Variants in AOPEP observed in about 807,000 individuals in gnomAD.
The protein encoded by AOPEP is aminopeptidase O (putative).
AOPEP carries 77 observed loss-of-function variants against 98.1 expected under a neutral mutation model. The observed-to-expected ratio is 0.78, with a 90% CI of 0.65 to 0.95. The LOEUF (loss-of-function observed/expected upper bound fraction) is 0.95. Ranked by LOEUF, AOPEP falls within the 40% of genes least tolerant of loss-of-function variation. The pLI, the probability that AOPEP is intolerant of heterozygous loss-of-function variation, is 0.00. For synonymous variants in AOPEP, 346 were observed against 365.3 expected, an observed-to-expected ratio of 0.95 and a Z score of 0.60; for missense variants, 1,024 against 1,024.7, an observed-to-expected ratio of 1.00 and a Z score of 0.01.
chr9:94,800,870 C>T lies in AOPEP; in HGVS notation c.1232C>T (p.Ala411Val), dbSNP rs375204570. Reference sequence around the variant, plus strand: ...TTTGCCCCTGTGTGCCTCACGGGTGCCTGCCAAGAGACCCTTCTGCGGCTG... The same window carrying T: ...TTTGCCCCTGTGTGCCTCACGGGTGTCTGCCAAGAGACCCTTCTGCGGCTG... ...RVFAPVCLTGACQETLLRLIP... is the reference protein window; with the variant it reads ...RVFAPVCLTGVCQETLLRLIP... The change falls in exon 5 of 17, where the codon GCC (alanine) becomes GTC (valine). Residue 411 changes from alanine (A) to valine (V), a missense_variant. Physicochemically the swap from Ala to Val is moderately conservative, Grantham distance 64. This residue lies in a region of AOPEP where 566 missense variants were observed against 551.7 expected (regional missense o/e 1.03). Transcript: ENST00000375315. The T allele has an allele frequency of 2.5e-6, 4 of 1,614,060 alleles. No homozygotes were observed. The African/African-American group carries it at 5.3e-5, about 22-fold the overall frequency.
At chr9:94,883,308 C>T (rs3886568) in intron 5 of AOPEP, among the ~76,000 whole-genome samples, 129,622 of 152,240 alleles carry the variant, frequency 0.85, 56,866 homozygotes, top group Non-Finnish European at 0.95. Flanking sequence ...ATTTGCAAAT[C>T]GAACAGCCTT....
At chr9:94,846,364 T>G in intron 5 of AOPEP, among the ~76,000 whole-genome samples, 1 of 150,738 alleles carries the variant, frequency 6.6e-6, no homozygotes, top group Non-Finnish European at 1.5e-5. Context: ...TCAGTGGGGG[T>G]CACTGGTGAC....
intron 7 of AOPEP, chr9:94,933,689 A>G (rs1215631881): frequency 2.0e-6 from 2 of 984,160 alleles, no homozygotes; most frequent in Admixed American, 6.1e-5. Flanking sequence ...GTGAATTTGT[A>G]TGATGCCTAC....
the AOPEP span, chr9:95,126,535 A>ATC: frequency 2.5e-6 from 4 of 1,614,022 alleles, no homozygotes; most frequent in Non-Finnish European, 3.4e-6. Context: ...TTACCTGAAC[A>ATC]TCTCATCAAC....
At chr9:94,809,666 G>A (rs1180194773) in intron 5 of AOPEP, among the ~76,000 whole-genome samples, 1 of 152,128 alleles carries the variant, frequency 6.6e-6, no homozygotes, top group Non-Finnish European at 1.5e-5. Context: ...TCTGTTTATA[G>A]ACCTCTTTTT....
At chr9:94,785,446 TC>T (rs1210958458) in intron 3 of AOPEP, among the ~76,000 whole-genome samples, 2 of 152,164 alleles carry the variant, frequency 1.3e-5, no homozygotes, top group African/African-American at 4.8e-5. Context: ...TGAGAGTTTT[TC>T]CCCCTAAATA....
In AOPEP at chr9:95,033,886, T is replaced by C. The variant is rs529273943; in HGVS notation, c.2116-26808T>C. Among the ~76,000 whole-genome samples the C allele has an allele frequency of 1.4e-4, 21 of 152,362 alleles. 1 individual carries two copies. Among genetic ancestry groups the C allele is most frequent in the African/African-American group, 4.8e-4 (20 of 41,590 alleles). The stretch of plus-strand genomic sequence containing the variant: ...GAAGTTAAACATCCCCAATTTCATT[T>C]GTGAGCAGTTAAATTTGGGGATACT... On this transcript the variant is annotated intron_variant, in intron 13 of 16. Transcript: ENST00000375315.
chr9:94,760,481 G>A lies in AOPEP; in HGVS notation c.698G>A (p.Gly233Glu), dbSNP rs772103194. 5.6e-6 allele frequency: 9 copies of A among 1,612,632 alleles called. No homozygotes were observed. Among genetic ancestry groups the A allele is most frequent in the Middle Eastern group, 1.6e-4 (1 of 6,072 alleles). Residue 233 changes from glycine to glutamate, a missense_variant, in exon 2 of 17, where the codon GGG becomes GAG. This residue lies in a region of AOPEP where 440 missense variants were observed against 433.8 expected (regional missense o/e 1.01). Transcript: ENST00000375315. The part of the protein sequence containing the change: ...DTWSLQIRKT[G>E]AQTATDFPHA... ...TGGAGCTTGCAGATAAGGAAGACAG[G>A]GGCTCAGACAGCTACTGACTTTCCT...
At chr9:95,111,291 T>C in the AOPEP span, 1 of 1,575,106 alleles carries the variant, frequency 6.3e-7, no homozygotes, top group African/African-American at 1.3e-5. Flanking sequence ...GGAGAACGCC[T>C]CTGACCACAA....
At chr9:95,001,581 T>C (rs890675740) in intron 11 of AOPEP, among the ~76,000 whole-genome samples, 1 of 152,146 alleles carries the variant, frequency 6.6e-6, no homozygotes, top group African/African-American at 2.4e-5. Context: ...GAGATTCAGG[T>C]AGACAACAGG....
In AOPEP at chr9:94,955,923, C is replaced by A. The variant is rs146337789; in HGVS notation, c.1780C>A (p.Arg594=). The A allele has an allele frequency of 6.2e-7, 1 of 1,611,556 alleles. No individual in the cohort carries two copies. Among genetic ancestry groups the A allele is most frequent in the East Asian group, 2.2e-5 (1 of 44,860 alleles). The change falls in exon 9 of 17, where the codon CGG becomes AGG. Residue 594 remains arginine, a synonymous_variant. Coordinates refer to ENST00000375315, the MANE Select transcript of AOPEP (RefSeq NM_001193329.3). Reference sequence around the variant, plus strand: ...TTTCTTCTAGGGCTACTTCCTTCTTCGGTTTCTTGCCAAAAGACTTGGAGA... The same window carrying A: ...TTTCTTCTAGGGCTACTTCCTTCTTAGGTTTCTTGCCAAAAGACTTGGAGA... The part of the protein sequence containing the change: ...VHYLKGYFLL[R]FLAKRLGDET...
At chr9:94,776,992 G>T (rs1842252253) in intron 3 of AOPEP, among the ~76,000 whole-genome samples, 1 of 145,186 alleles carries the variant, frequency 6.9e-6, no homozygotes, top group Non-Finnish European at 1.5e-5. Flanking sequence ...GCTTTTTGTT[G>T]TATTCACTTA....
At chr9:95,146,057 GTGA>G in the AOPEP span, among the ~76,000 whole-genome samples, 7 of 152,058 alleles carry the variant, frequency 4.6e-5, no homozygotes, top group African/African-American at 7.2e-5. Context: ...GACTAGATAT[GTGA>G]TGATGATAAG....
At chr9:94,994,089 C>T (rs1189125553) in intron 11 of AOPEP, among the ~76,000 whole-genome samples, 1 of 152,210 alleles carries the variant, frequency 6.6e-6, no homozygotes, top group African/African-American at 2.4e-5. Flanking sequence ...TAGAGACACA[C>T]TTCTCCTTAA....
At chr9:94,946,993 T>TC (rs1172875588) in intron 7 of AOPEP, among the ~76,000 whole-genome samples, 2 of 151,520 alleles carry the variant, frequency 1.3e-5, no homozygotes, top group African/African-American at 4.8e-5. Flanking sequence ...TTTTTTTTTT[T>TC]CGAGATAGAG....
At position 94,980,010 on chromosome 9, in the gene AOPEP, C is replaced by T. The variant is rs1297624417; in HGVS notation, c.1977+583C>T. On this transcript the variant is annotated intron_variant, in intron 11 of 16. Coordinates refer to ENST00000375315, the MANE Select transcript of AOPEP (RefSeq NM_001193329.3). The surrounding 1 kb of genome is among the most constrained non-coding windows in gnomAD (Gnocchi z 4.3). The stretch of plus-strand genomic sequence containing the variant: ...TTTCTCTGTCTTAGGGACCTGGGCT[C>T]ATCCCAGCTGGAGATTGTTGTTCTC... Among the ~76,000 whole-genome samples, 1 of 152,204 alleles carries T rather than the reference C, an allele frequency of 6.6e-6. No individual in the cohort carries two copies. The highest frequency in any genetic ancestry group is 6.5e-5 in the Admixed American group (1 of 15,286).
At chr9:94,969,889 A>G (rs1165708970) in intron 10 of AOPEP, among the ~76,000 whole-genome samples, 1 of 152,140 alleles carries the variant, frequency 6.6e-6, no homozygotes, top group East Asian at 1.9e-4. Flanking sequence ...ACAGACATAG[A>G]CTTAGATTCA....
At chr9:94,844,418 A>C (rs2042613907) in intron 5 of AOPEP, among the ~76,000 whole-genome samples, 4 of 152,246 alleles carry the variant, frequency 2.6e-5, no homozygotes, top group African/African-American at 9.6e-5. Flanking sequence ...GTTTCAGTGC[A>C]TGTATACATA....
the AOPEP span, among the ~76,000 whole-genome samples, chr9:95,112,300 T>G: frequency 1.3e-5 from 2 of 152,268 alleles, no homozygotes; most frequent in Admixed American, 1.3e-4. Context: ...CAGCCTGAGA[T>G]CACATTAGAT....
Sources: gnomAD v4.1 joint callset for allele counts (sites outside exome capture counted in the v4.1 genomes callset) on GRCh38, gnomAD v4.1.1 for gene constraint, gnomAD v4.1.1 regional missense constraint, Gnocchi (gnomAD v3.1) non-coding constraint, MANE v1.5 for transcripts, NCBI Gene and HGNC (gene_info 2026-07-23, HGNC 2026-07-21) for gene names.